Variants in REXO5 observed in about 807,000 individuals in gnomAD.
REXO5 encodes RNA exonuclease 5, also known as exonuclease NEF-sp.
REXO5 carries 48 observed loss-of-function variants against 88.5 expected under a neutral mutation model. The observed-to-expected ratio is 0.54, with a 90% confidence interval of 0.43 to 0.69. The LOEUF is 0.69. REXO5 is among the 30% of genes least tolerant of loss of function. The probability of loss-of-function intolerance (pLI) is 0.00; values close to 1 mark genes in which losing one functional copy is unlikely to be tolerated. For synonymous variants in REXO5, 311 were observed against 336.5 expected, an observed-to-expected ratio of 0.92 and a Z score of 0.83; for missense variants, 749 against 912.2, an observed-to-expected ratio of 0.82 and a Z score of 2.30.
chr16:20,813,455 A>G (rs2081033716), intron 3 of REXO5, among the ~76,000 whole-genome samples, 153 bp downstream of exon 3: 1 of 142,858 alleles, frequency 7.0e-6, no homozygotes, highest in Admixed American at 7.3e-5. Context: ...TGAATTTTTT[A>G]TGATGGCTGC....
chr16:20,811,719 C>T (rs1293208467), intron 2 of REXO5, among the ~76,000 whole-genome samples: 1 of 152,122 alleles, frequency 6.6e-6, no homozygotes, highest in African/African-American at 2.4e-5. Flanking sequence ...TGATTTAATG[C>T]ATGTAAAATG....
intron 2 of REXO5, among the ~76,000 whole-genome samples, chr16:20,810,434 G>A (rs761571661): frequency 1.1e-4 from 17 of 150,454 alleles, no homozygotes; most frequent in Non-Finnish European, 2.1e-4. Flanking sequence ...TGAGACAAAA[G>A]TCTTGCCCTG....
chr16:20,835,829 C>G (rs1379160306), intron 13 of REXO5, among the ~76,000 whole-genome samples: 2 of 152,102 alleles, frequency 1.3e-5, no homozygotes, highest in East Asian at 3.9e-4. Flanking sequence ...AGGTGGATCT[C>G]TTGAGTCCAG....
At position 20,815,010 on chromosome 16, in the gene REXO5, G is replaced by C. The variant is rs760056726; in HGVS notation, c.335G>C (p.Arg112Thr). The change falls in exon 4 of 20, where the codon AGG (arginine) becomes ACG (threonine). Residue 112 changes from arginine to threonine, a missense_variant. Transcript: ENST00000261377. Reference sequence around the variant, plus strand: ...GGAATGAGTCAGCTACACTTTTACAGGTTCTATTTGGAGTTTGGATGTCTT... The same window carrying C: ...GGAATGAGTCAGCTACACTTTTACACGTTCTATTTGGAGTTTGGATGTCTT... ...LQGMSQLHFY[R>T]FYLEFGCLRK... 2.5e-6 allele frequency: 4 copies of C among 1,613,700 alleles called. No individual in the cohort carries two copies. In the South Asian group the frequency reaches 3.3e-5, roughly 13 times the overall value.
rs181339221 is a variant in REXO5 at position 20,816,766 on chromosome 16, T to C, written c.475+554T>C. 3.5e-3 allele frequency among the ~76,000 whole-genome samples: 529 copies of C among 152,328 alleles called. 2 individuals carry two copies. Among genetic ancestry groups the C allele is most frequent in the African/African-American group, 0.013 (522 of 41,576 alleles). On this transcript the variant is annotated intron_variant, in intron 5 of 19. Coordinates refer to ENST00000261377, the MANE Select transcript of REXO5 (RefSeq NM_030941.3). ...ATAGCTAAGGATACCTGGGTATCAC[T>C]GATGTTGGACTCTTATGAATTACTG...
At chr16:20,807,156 C>A in intron 2 of REXO5, 65 bp downstream of exon 2, 1 of 1,532,364 alleles carries the variant, frequency 6.5e-7, no homozygotes, top group Non-Finnish European at 8.8e-7. Context: ...CCTCGCCCAA[C>A]CGCCGTCGGG....
At chr16:20,808,534 AG>A (rs1449284165) in intron 2 of REXO5, among the ~76,000 whole-genome samples, 1 of 151,660 alleles carries the variant, frequency 6.6e-6, no homozygotes, top group Non-Finnish European at 1.5e-5. Flanking sequence ...TCACTGCCCT[AG>A]TAGGTCTTAT....
chr16:20,816,667 A>G (rs931388158), intron 5 of REXO5, among the ~76,000 whole-genome samples: 1 of 152,150 alleles, frequency 6.6e-6, no homozygotes, highest in Non-Finnish European at 1.5e-5. Context: ...TTAAGGAAAA[A>G]TGGGCAGGTA....
chr16:20,819,702 C>T (rs1040452176), intron 5 of REXO5, among the ~76,000 whole-genome samples: 1 of 151,452 alleles, frequency 6.6e-6, no homozygotes, highest in African/African-American at 2.4e-5. Context: ...TTACAGTGAG[C>T]CGAGATCGCG....
chr16:20,827,325 T>C (rs1420035935), intron 9 of REXO5, 28 bp from the exon 10 acceptor site: 1 of 1,602,512 alleles, frequency 6.2e-7, no homozygotes, highest in South Asian at 1.1e-5. Flanking sequence ...CATAAGACAC[T>C]ACTCATTTTA....
At chr16:20,813,084 A>C (rs1346959408) in intron 2 of REXO5, 106 bp from the exon 3 acceptor site, 1 of 764,294 alleles carries the variant, frequency 1.3e-6, no homozygotes, top group African/African-American at 1.7e-5. Flanking sequence ...TTATGTTAGA[A>C]TATACCTGTA....
chr16:20,844,605 C>G (rs569404341), intron 16 of REXO5, 24 bp from the exon 17 acceptor site: 1 of 1,608,546 alleles, frequency 6.2e-7, no homozygotes, highest in Non-Finnish European at 8.5e-7. Flanking sequence ...TTTTCTACCA[C>G]TAACACCAAC....
chr16:20,818,265 A>G (rs2081112018), intron 5 of REXO5, among the ~76,000 whole-genome samples: 1 of 152,124 alleles, frequency 6.6e-6, no homozygotes, highest in South Asian at 2.1e-4. Context: ...ATTTCCAACT[A>G]TAAGTTAAAT....
chr16:20,835,584 T>C (rs985947035), intron 13 of REXO5, among the ~76,000 whole-genome samples: 1 of 152,190 alleles, frequency 6.6e-6, no homozygotes, highest in African/African-American at 2.4e-5. Flanking sequence ...GTTTCCTATC[T>C]TTAAGGATCA....
At chr16:20,838,540 GA>G (rs1311961469) in intron 13 of REXO5, among the ~76,000 whole-genome samples, 35 of 152,128 alleles carry the variant, frequency 2.3e-4, no homozygotes, top group Non-Finnish European at 1.5e-5. Flanking sequence ...GAGATTTCAT[GA>G]CCTCCCAAAC....
Position 20,827,366 on chromosome 16 carries a change from A to G in REXO5, c.974A>G (p.Tyr325Cys). 6.2e-7 allele frequency: 1 copy of G among 1,612,888 alleles called. No homozygotes were observed. The change falls in exon 10 of 20, where the codon TAT becomes TGT. Residue 325 changes from tyrosine to cysteine, a missense_variant. By Grantham distance (194) the Tyr-to-Cys change is radical. Transcript: ENST00000261377. The part of the protein sequence containing the change: ...DLRALKMIHP[Y>C]VIDTSLLYVR... ...TTTCTTCCTCAGATGATACATCCAT[A>G]TGTTATTGATACATCGTTGCTTTAT...
chr16:20,810,688 G>T (rs1396663199), intron 2 of REXO5, among the ~76,000 whole-genome samples: 2 of 152,042 alleles, frequency 1.3e-5, no homozygotes, highest in African/African-American at 2.4e-5. Flanking sequence ...GAACCACCGC[G>T]CCCAGTCCAT....
intron 7 of REXO5, among the ~76,000 whole-genome samples, 162 bp downstream of exon 7, chr16:20,824,689 G>T (rs1180443937): frequency 6.6e-6 from 1 of 152,076 alleles, no homozygotes; most frequent in African/African-American, 2.4e-5. Context: ...AGAAAACTTA[G>T]ATCTGTATTC....
chr16:20,844,933 G>T, intron 17 of REXO5, 88 bp downstream of exon 17: 1 of 1,538,978 alleles, frequency 6.5e-7, no homozygotes, highest in South Asian at 1.2e-5. Context: ...TTCACCTCCT[G>T]GGCTGGACCA....
Sources: allele counts gnomAD v4.1 joint callset (sites outside exome capture counted in the v4.1 genomes callset), GRCh38; gene constraint gnomAD v4.1.1; transcripts MANE v1.5; gene names NCBI Gene and HGNC (gene_info 2026-07-23, HGNC 2026-07-21).